The following PTRHD1 variants were observed in gnomAD, a reference collection of about 807,000 sequenced individuals.
PTRHD1 encodes the protein peptidyl-tRNA hydrolase domain containing 1.
A neutral mutation model predicts 13.6 loss-of-function variants in PTRHD1; 12 were observed. That is an observed-to-expected ratio of 0.88 (90% CI 0.57 to 1.43). The LOEUF (loss-of-function observed/expected upper bound fraction) is 1.43. Among genes scored for constraint, PTRHD1 ranks in the 40% most tolerant of loss-of-function variants. The pLI is 0.00. For synonymous variants in PTRHD1, 86 were observed against 79.5 expected (o/e 1.08, Z -0.43); for missense variants, 203 against 184.7 (o/e 1.10, Z -0.57).
chr2:24,790,627 A>T, intron 1 of PTRHD1, 46 bp from the exon 2 acceptor site: 2 of 1,561,836 alleles, frequency 1.3e-6, no homozygotes, highest in Non-Finnish European at 1.7e-6. Flanking sequence ...CCCACTTAGG[A>T]AGTGTCAAAA....
chr2:24,792,107 C>T (rs1262643149), intron 1 of PTRHD1, among the ~76,000 whole-genome samples: 1 of 152,230 alleles, frequency 6.6e-6, no homozygotes, highest in Non-Finnish European at 1.5e-5. Context: ...AGCTTCTGTT[C>T]TGCCTACACA....
intron 1 of PTRHD1, chr2:24,792,812 G>C (rs773804037): frequency 3.2e-5 from 15 of 464,102 alleles, no homozygotes; most frequent in Non-Finnish European, 5.5e-5. Context: ...GTCCCTTCGG[G>C]CTCGGTTTTG....
In PTRHD1 at chr2:24,790,270, T is replaced by C. The variant is rs1665592824; in HGVS notation, c.*141A>G. The C allele has an allele frequency of 3.3e-6, 3 of 921,736 alleles. No homozygotes were observed. Among genetic ancestry groups the C allele is most frequent in the South Asian group, 3.5e-5 (2 of 57,272 alleles). The allele number at this position is 921,736 out of a possible 1,614,324, so 57.1% of individuals were successfully genotyped here. ...ACTTATTAATAAGAGGAAGTAGTTA[T>C]TAATGACAACTTTAATATGAACATG... is the stretch of plus-strand genomic sequence containing the variant. On this transcript the variant is annotated 3_prime_UTR_variant, in exon 2 of 2. Transcript: ENST00000328379.
chr2:24,793,067 A>C, intron 1 of PTRHD1, 59 bp downstream of exon 1: 1 of 1,560,860 alleles, frequency 6.4e-7, no homozygotes. Context: ...CGGACCGAAG[A>C]CCACACCCAC....
At position 24,793,391 on chromosome 2, in the gene PTRHD1, C is replaced by T. The variant is rs749066527; in HGVS notation, c.-14G>A. Reference sequence around the variant, plus strand: ...TCCCCGGTGCATCTTGGGATCAGGGCGGGGCCCTGAGCGCCGCCATGCTTT... The same window carrying T: ...TCCCCGGTGCATCTTGGGATCAGGGTGGGGCCCTGAGCGCCGCCATGCTTT... On this transcript the variant is annotated 5_prime_UTR_variant, in exon 1 of 2. Coordinates refer to ENST00000328379, the MANE Select transcript of PTRHD1 (RefSeq NM_001013663.2). The T allele has an allele frequency of 1.2e-5, 20 of 1,610,538 alleles. No homozygotes were observed. The highest frequency in any genetic ancestry group is 4.0e-5 in the African/African-American group (3 of 74,846).
At position 24,793,204 on chromosome 2, in the gene PTRHD1, G is replaced by C; in HGVS notation, c.174C>G (p.Ala58=). 6.2e-7 allele frequency: 1 copy of C among 1,612,870 alleles called. No homozygotes were observed. The highest frequency in any genetic ancestry group is 8.5e-7 in the Non-Finnish European group (1 of 1,179,746). Residue 58 remains alanine (A), a synonymous_variant, in exon 1 of 2, where the codon GCC becomes GCG. Transcript: ENST00000328379. ...VAQACHAATA[A]LHTHRDHPHT... is the part of the protein sequence containing the mutation. ...GCGGGTGGTCGCGGTGAGTGTGCAA[G>C]GCCGCGGTGGCCGCGTGACAAGCCT...
Position 24,790,333 on chromosome 2 carries a change from G to C in PTRHD1, c.*78C>G. On this transcript the variant is annotated 3_prime_UTR_variant, in exon 2 of 2. Transcript: ENST00000328379. ...AAGAAATTGTCACAACTGAAAGACGGGAGCAAGCTGACACTGCAAGGAACA... is the reference window on the plus strand; with the variant it reads ...AAGAAATTGTCACAACTGAAAGACGCGAGCAAGCTGACACTGCAAGGAACA... 2.0e-6 allele frequency: 3 copies of C among 1,502,564 alleles called. No individual in the cohort carries two copies. Among genetic ancestry groups the C allele is most frequent in the Non-Finnish European group, 2.7e-6 (3 of 1,111,064 alleles). The allele number at this position is 1,502,564 out of a possible 1,614,324, so 93.1% of individuals were successfully genotyped here.
intron 1 of PTRHD1, among the ~76,000 whole-genome samples, chr2:24,791,050 G>T (rs542758647): frequency 1.2e-3 from 182 of 151,596 alleles, no homozygotes; most frequent in African/African-American, 4.0e-3. Context: ...TCAGCCTCCC[G>T]AGTAGCTGGG....
chr2:24,792,824 A>G, intron 1 of PTRHD1: 1 of 482,570 alleles, frequency 2.1e-6, no homozygotes, highest in South Asian at 2.7e-5. Flanking sequence ...TCGGTTTTGC[A>G]GGAGGACAGC....
chr2:24,791,497 C>T (rs1665621682), intron 1 of PTRHD1: 1 of 152,224 alleles, frequency 6.6e-6, no homozygotes, highest in African/African-American at 2.4e-5. Flanking sequence ...AAGTTTATCT[C>T]TTACCTATGA....
At position 24,793,321 on chromosome 2, in the gene PTRHD1, C is replaced by T. The variant is rs199583364; in HGVS notation, c.57G>A (p.Gly19=). ...FRVVRKMAAS[G]AEPQVLVQYL... ...ATTGTACCAGGACCTGCGGCTCCGC[C>T]CCAGAGGCCGCCATCTTCCTGACCA... The change falls in exon 1 of 2, where the codon GGG becomes GGA. Residue 19 remains glycine (G), a synonymous_variant. Transcript: ENST00000328379. 6.2e-7 allele frequency: 1 copy of T among 1,613,864 alleles called. No individual in the cohort carries two copies. The highest frequency in any genetic ancestry group is 8.5e-7 in the Non-Finnish European group (1 of 1,180,042).
At chr2:24,791,256 C>T (rs1558362672) in intron 1 of PTRHD1, among the ~76,000 whole-genome samples, 1 of 152,096 alleles carries the variant, frequency 6.6e-6, no homozygotes, top group Admixed American at 6.6e-5. Context: ...AGCACATCCA[C>T]TTCCACTTTC....
rs769537232 is a variant in PTRHD1 at position 24,793,188 on chromosome 2, C to CGCG, written c.187_189dup (p.Arg63dup). 6.2e-7 allele frequency: 1 copy of CGCG among 1,612,878 alleles called. No individual in the cohort carries two copies. The highest frequency in any genetic ancestry group is 1.1e-5 in the South Asian group (1 of 91,058). ...AGGTAAGCGGCTGTGTGCGGGTGGT[C>CGCG]GCGGTGAGTGTGCAAGGCCGCGGTG... On this transcript the variant is annotated inframe_insertion, in exon 1 of 2. Transcript: ENST00000328379.
At position 24,793,175 on chromosome 2, in the gene PTRHD1, G is replaced by A. The variant is rs770609852; in HGVS notation, c.203C>T (p.Thr68Ile). ...CCCCAGCTCTTGGAGGTAAGCGGCT[G>A]TGTGCGGGTGGTCGCGGTGAGTGTG... ...ALHTHRDHPHTAAYLQELGRM... is the reference protein window; with the variant it reads ...ALHTHRDHPHIAAYLQELGRM... Residue 68 changes from threonine (T) to isoleucine (I), a missense_variant, in exon 1 of 2, where the codon ACA becomes ATA. Thr to Ile is a moderately conservative substitution (Grantham distance 89). Transcript: ENST00000328379. 3 of 1,613,476 alleles carry A rather than the reference G, an allele frequency of 1.9e-6. No homozygotes were observed. The highest frequency in any genetic ancestry group is 2.5e-6 in the Non-Finnish European group (3 of 1,179,914).
rs1249342114 is a variant in PTRHD1, at chr2:24,793,128, C to T, written c.250G>A (p.Glu84Lys). Residue 84 changes from glutamate to lysine, a missense_variant and splice_region_variant, in exon 1 of 2, where the codon GAG becomes AAG. Coordinates refer to ENST00000328379, the MANE Select transcript of PTRHD1 (RefSeq NM_001013663.2). ...CCCCCTCCGCCCGAGTGCCTCACCT[C>T]GAGGACCACTTTGCGCATGCGCCCC... is the stretch of plus-strand genomic sequence containing the variant. ...ELGRMRKVVL[E>K]APDETTLKEL... is the part of the protein sequence containing the mutation. The T allele has an allele frequency of 2.5e-6, 4 of 1,611,344 alleles. No individual in the cohort carries two copies. The highest frequency in any genetic ancestry group is 2.5e-6 in the Non-Finnish European group (3 of 1,178,752).
At position 24,793,371 on chromosome 2, in the gene PTRHD1, G is replaced by T; in HGVS notation, c.7C>A (p.Arg3=). 4.3e-6 allele frequency: 7 copies of T among 1,613,380 alleles called. No homozygotes were observed. Among genetic ancestry groups the T allele is most frequent in the Non-Finnish European group, 5.9e-6 (7 of 1,179,848 alleles). Residue 3 remains arginine (R), a synonymous_variant, in exon 1 of 2, where the codon CGG becomes AGG. Coordinates refer to ENST00000328379, the MANE Select transcript of PTRHD1 (RefSeq NM_001013663.2). ...ACCCGAAAGGCCGGACCTACTCCCC[G>T]GTGCATCTTGGGATCAGGGCGGGGC... MH[R]GVGPAFRVVR... is the part of the protein sequence containing the mutation.
At position 24,793,326 on chromosome 2, in the gene PTRHD1, A is replaced by G. The variant is rs1271901848; in HGVS notation, c.52T>C (p.Ser18Pro). The change falls in exon 1 of 2, where the codon TCT (serine) becomes CCT (proline). Residue 18 changes from serine (S) to proline (P), a missense_variant. Coordinates refer to ENST00000328379, the MANE Select transcript of PTRHD1 (RefSeq NM_001013663.2). ...AFRVVRKMAASGAEPQVLVQY... is the reference protein window; with the variant it reads ...AFRVVRKMAAPGAEPQVLVQY... ...ACCAGGACCTGCGGCTCCGCCCCAG[A>G]GGCCGCCATCTTCCTGACCACCCGA... 2 of 1,613,836 alleles carry G rather than the reference A, an allele frequency of 1.2e-6. No individual in the cohort carries two copies. The highest frequency in any genetic ancestry group is 1.7e-6 in the Non-Finnish European group (2 of 1,180,022).
chr2:24,790,426 G>C lies in PTRHD1; in HGVS notation c.408C>G (p.Phe136Leu). 1.9e-6 allele frequency: 3 copies of C among 1,614,044 alleles called. No homozygotes were observed. The highest frequency in any genetic ancestry group is 2.5e-6 in the Non-Finnish European group (3 of 1,179,968). Reference protein sequence around the residue: ...KEEVGQYLKKFRLFK With the variant: ...KEEVGQYLKKLRLFK ...AAAGCAGCAGTTACTTGAACAATCG[G>C]AACTTCTTCAAATACTGGCCCACTT... Residue 136 changes from phenylalanine to leucine, a missense_variant, in exon 2 of 2, where the codon TTC (phenylalanine) becomes TTG (leucine). Phe to Leu is a conservative substitution (Grantham distance 22). Transcript: ENST00000328379.
At position 24,793,315 on chromosome 2, in the gene PTRHD1, C is replaced by G. The variant is rs940743510; in HGVS notation, c.63G>C (p.Glu21Asp). 65 of 1,613,762 alleles carry G rather than the reference C, an allele frequency of 4.0e-5. No homozygotes were observed. The highest frequency in any genetic ancestry group is 5.3e-5 in the Non-Finnish European group (63 of 1,180,054). Residue 21 changes from glutamate to aspartate, a missense_variant, in exon 1 of 2, where the codon GAG becomes GAC. Coordinates refer to ENST00000328379, the MANE Select transcript of PTRHD1 (RefSeq NM_001013663.2). ...CCAAGTATTGTACCAGGACCTGCGG[C>G]TCCGCCCCAGAGGCCGCCATCTTCC... ...VVRKMAASGA[E>D]PQVLVQYLVL...
Sources: gnomAD v4.1 joint callset for allele counts (sites outside exome capture counted in the v4.1 genomes callset) on GRCh38, gnomAD v4.1.1 for gene constraint, MANE v1.5 for transcripts, NCBI Gene and HGNC (gene_info 2026-07-23, HGNC 2026-07-21) for gene names.